PHF12: variants seen among roughly 807,000 people sequenced by gnomAD.
The protein encoded by PHF12 is PHD factor 1.
In PHF12, 6 loss-of-function variants were observed where a neutral mutation model predicts 99.8. The ratio of observed to expected loss-of-function variants is 0.06; its 90% confidence interval spans 0.03 to 0.12. PHF12 has a LOEUF of 0.12. Among genes scored for constraint, PHF12 ranks in the 10% least tolerant of loss-of-function variants. The probability of loss-of-function intolerance (pLI) is 1.00; values close to 1 mark genes in which losing one functional copy is unlikely to be tolerated. For missense variants in PHF12, 954 were observed against 1,300.1 expected, an observed-to-expected ratio of 0.73 and a Z score of 4.09; for synonymous variants, 480 against 514.9, an observed-to-expected ratio of 0.93 and a Z score of 0.92.
At chr17:28,907,900 A>C in intron 12 of PHF12, 2 of 421,210 alleles carry the variant, frequency 4.7e-6, no homozygotes, top group Non-Finnish European at 4.4e-6. Flanking sequence ...GCTTTAGAAC[A>C]TGTGGCTGCT....
At position 28,910,273 on chromosome 17, in the gene PHF12, C is replaced by T. The variant is rs758872812; in HGVS notation, c.2312G>A (p.Gly771Asp). 10 of 1,614,092 alleles carry T rather than the reference C, an allele frequency of 6.2e-6. No homozygotes were observed. The Admixed American group carries it at 8.3e-5, about 13-fold the overall frequency. ...LFPSRVQPSP[G>D]SVGTHQLASG... ...AGCCAGCTGATGTGTCCCGACACTGCCCGGTGAAGGTTGGACCCGGGAGGG... is the reference window on the plus strand; with the variant it reads ...AGCCAGCTGATGTGTCCCGACACTGTCCGGTGAAGGTTGGACCCGGGAGGG... The change falls in exon 11 of 15, where the codon GGC becomes GAC. Residue 771 changes from glycine to aspartate, a missense_variant. Coordinates refer to ENST00000332830, the MANE Select transcript of PHF12 (RefSeq NM_001033561.2).
chr17:28,913,319 G>C, intron 8 of PHF12, 42 bp from the exon 9 acceptor site: 1 of 1,561,114 alleles, frequency 6.4e-7, no homozygotes, highest in Non-Finnish European at 8.7e-7. Context: ...AAGCCTGAGA[G>C]GCGCCGGTCC....
chr17:28,948,833 T>C (rs1304408005), intron 2 of PHF12, among the ~76,000 whole-genome samples: 3 of 149,348 alleles, frequency 2.0e-5, no homozygotes, highest in Non-Finnish European at 3.0e-5. Flanking sequence ...CTCTCTCCAG[T>C]CTGGCTCCTC....
At chr17:28,918,300 T>C (rs950036957) in intron 6 of PHF12, among the ~76,000 whole-genome samples, 21 of 152,316 alleles carry the variant, frequency 1.4e-4, no homozygotes, top group African/African-American at 5.0e-4. Context: ...TCATTTTTTT[T>C]CTGGTTCATC....
intron 2 of PHF12, among the ~76,000 whole-genome samples, chr17:28,931,334 C>G (rs1283029925): frequency 6.6e-6 from 1 of 150,576 alleles, no homozygotes; most frequent in Non-Finnish European, 1.5e-5. Context: ...TGGCTCACTG[C>G]AACCTCTGCC....
rs747408885 is a variant in PHF12, at chr17:28,924,115, C to A, written c.509G>T (p.Ser170Ile). 6.2e-6 allele frequency: 10 copies of A among 1,614,092 alleles called. No homozygotes were observed. The highest frequency in any genetic ancestry group is 7.6e-6 in the Non-Finnish European group (9 of 1,180,044). ...AGAGGTGGGAGTCTCTGTGCTGGCG[C>A]TGGATGTGGGTGTGCCAGGCCTGCT... is the stretch of plus-strand genomic sequence containing the variant. ...RASRPGTPTSSASTETPTSEQ... is the reference protein window; with the variant it reads ...RASRPGTPTSIASTETPTSEQ... Residue 170 changes from serine (S) to isoleucine (I), a missense_variant, in exon 4 of 15, where the codon AGC becomes ATC. Ser to Ile is a moderately radical substitution (Grantham distance 142). Around this residue, in one of 8 missense-constraint regions of PHF12, gnomAD observed 109 missense variants for 145.4 expected, o/e 0.75. Transcript: ENST00000332830.
rs1010087021 is a variant in PHF12 at position 28,951,518 on chromosome 17, C to G, written c.-558G>C. ...CAGGCGCCCCGGGATCGGCGCTCGC[C>G]GCGCGCAACCGCAGTGACAGCCGGC... On this transcript the variant is annotated 5_prime_UTR_variant, in exon 1 of 15. Coordinates refer to ENST00000332830, the MANE Select transcript of PHF12 (RefSeq NM_001033561.2). The G allele has an allele frequency of 1.9e-5, 19 of 983,112 alleles. No individual in the cohort carries two copies. Among genetic ancestry groups the G allele is most frequent in the Non-Finnish European group, 2.3e-5 (19 of 829,354 alleles). The allele number at this position is 983,112 out of a possible 1,614,324, so 60.9% of individuals were successfully genotyped here.
In PHF12 at chr17:28,908,857, C is replaced by T. The variant is rs1360786458; in HGVS notation, c.2384G>A (p.Arg795Gln). The T allele has an allele frequency of 2.5e-6, 4 of 1,613,864 alleles. No homozygotes were observed. Among genetic ancestry groups the T allele is most frequent in the South Asian group, 1.1e-5 (1 of 91,044 alleles). ...CCCTAAGAGGGGGTAGAACACAGCT[C>T]GGGCCTGTACCTCCTTTCTTTGCAC... ...IEVQRKEVQA[R>Q]AVFYPLLGLG... Residue 795 changes from arginine (R) to glutamine (Q), a missense_variant, in exon 12 of 15, where the codon CGA (arginine) becomes CAA (glutamine). Physicochemically the swap from Arg to Gln is conservative, Grantham distance 43. Transcript: ENST00000332830.
At chr17:28,928,913 T>A (rs2040336453) in intron 2 of PHF12, among the ~76,000 whole-genome samples, 1 of 151,708 alleles carries the variant, frequency 6.6e-6, no homozygotes, top group Non-Finnish European at 1.5e-5. Context: ...CTGGCCAACA[T>A]GGTGAAACCC....
chr17:28,914,090 T>G, intron 7 of PHF12, 53 bp from the exon 8 acceptor site: 39 of 1,523,220 alleles, frequency 2.6e-5, no homozygotes, highest in Non-Finnish European at 3.3e-5. Context: ...CCAACATGTC[T>G]AGTTGATTCT....
rs774730652 is a variant in PHF12 at position 28,917,386 on chromosome 17, C to T, written c.1033G>A (p.Val345Ile). The change falls in exon 7 of 15, where the codon GTT becomes ATT. Residue 345 changes from valine to isoleucine, a missense_variant. Coordinates refer to ENST00000332830, the MANE Select transcript of PHF12 (RefSeq NM_001033561.2). ...CQVFDRFQDT[V>I]SQHVVKVDFL... is the part of the protein sequence containing the mutation. The stretch of plus-strand genomic sequence containing the variant: ...TCCACTTTGACGACATGCTGCGAAA[C>T]GGTGTCCTGGAAACGATCAAACACC... 27 of 1,613,958 alleles carry T rather than the reference C, an allele frequency of 1.7e-5. No homozygotes were observed. Among genetic ancestry groups the T allele is most frequent in the East Asian group, 1.3e-4 (6 of 44,892 alleles).
At position 28,951,407 on chromosome 17, in the gene PHF12, C is replaced by T. The variant is rs1258344828; in HGVS notation, c.-447G>A. 2 of 987,492 alleles carry T rather than the reference C, an allele frequency of 2.0e-6. No homozygotes were observed. Among genetic ancestry groups the T allele is most frequent in the African/African-American group, 3.5e-5 (2 of 57,290 alleles). The allele number at this position is 987,492 out of a possible 1,614,324, so 61.2% of individuals were successfully genotyped here. A position where few individuals can be genotyped will look rare whatever the true frequency, so the allele number is the denominator to read the frequency against. On this transcript the variant is annotated 5_prime_UTR_variant, in exon 1 of 15. Transcript: ENST00000332830. ...GGTGATGGGGGGTGGTCCCCGGGCT[C>T]CGCCTCTCGCCGCCGCCGCCGTCTG... is the stretch of plus-strand genomic sequence containing the variant.
intron 5 of PHF12, among the ~76,000 whole-genome samples, chr17:28,920,860 C>T (rs561969119): frequency 1.3e-5 from 2 of 151,802 alleles, no homozygotes; most frequent in Non-Finnish European, 2.9e-5. Context: ...CACACCGGGC[C>T]ATTGTTTTTA....
At chr17:28,934,640 T>A (rs550618073) in intron 2 of PHF12, among the ~76,000 whole-genome samples, 10 of 150,642 alleles carry the variant, frequency 6.6e-5, no homozygotes, top group Non-Finnish European at 1.2e-4. Context: ...AGATGGAGTC[T>A]TGCTCTGTTG....
At chr17:28,948,696 C>A (rs960914327) in intron 2 of PHF12, among the ~76,000 whole-genome samples, 1 of 152,144 alleles carries the variant, frequency 6.6e-6, no homozygotes, top group Non-Finnish European at 1.5e-5. Flanking sequence ...CTCCACAAAC[C>A]GAGAGATGGA....
chr17:28,908,822 C>A lies in PHF12; in HGVS notation c.2419G>T (p.Ala807Ser). The A allele has an allele frequency of 6.2e-6, 10 of 1,614,098 alleles. No individual in the cohort carries two copies. Among genetic ancestry groups the A allele is most frequent in the Non-Finnish European group, 8.5e-6 (10 of 1,180,012 alleles). ...AGGGTTCGATAGCACATGTTCACAGCTCCTCCCAACCCTAAGAGGGGGTAG... is the reference window on the plus strand; with the variant it reads ...AGGGTTCGATAGCACATGTTCACAGATCCTCCCAACCCTAAGAGGGGGTAG... ...VFYPLLGLGG[A>S]VNMCYRTLYI... is the part of the protein sequence containing the mutation. Residue 807 changes from alanine to serine, a missense_variant, in exon 12 of 15, where the codon GCT (alanine) becomes TCT (serine). Ala to Ser is a moderately conservative substitution (Grantham distance 99). Transcript: ENST00000332830.
At position 28,906,791 on chromosome 17, in the gene PHF12, A is replaced by G. The variant is rs2039878869; in HGVS notation, c.2680+65T>C. On this transcript the variant is annotated intron_variant, in intron 14 of 14. Transcript: ENST00000332830. This position sits in a 1 kb window ranked among gnomAD's most constrained non-coding sequence, Gnocchi z 4.2. ...GGAAGGCAAGAGACAGACCATGGGC[A>G]GCAAGTCAGAACCACCCTGACTGGG... The G allele has an allele frequency of 1.3e-6, 2 of 1,528,602 alleles. No homozygotes were observed. The highest frequency in any genetic ancestry group is 4.5e-5 in the East Asian group (2 of 44,116). The allele number at this position is 1,528,602 out of a possible 1,614,324, so 94.7% of individuals were successfully genotyped here.
intron 2 of PHF12, among the ~76,000 whole-genome samples, chr17:28,927,406 G>GTCCCACCGTTCCATCTTCCCA (rs1402785593): frequency 1.3e-5 from 2 of 152,100 alleles, no homozygotes; most frequent in African/African-American, 4.8e-5. Flanking sequence ...CTGTCACATG[G>GTCCCACCGTTCCATCTTCCCA]TCCCACCGTT....
chr17:28,939,127 T>C (rs1162240923), intron 2 of PHF12, among the ~76,000 whole-genome samples: 1 of 152,252 alleles, frequency 6.6e-6, no homozygotes, highest in Non-Finnish European at 1.5e-5. Context: ...AGATGCCTGA[T>C]ATCACAGAAT....
Sources: allele counts gnomAD v4.1 joint callset (sites outside exome capture counted in the v4.1 genomes callset), GRCh38; gene constraint gnomAD v4.1.1; regional missense constraint gnomAD v4.1.1; non-coding constraint Gnocchi (gnomAD v3.1); transcripts MANE v1.5; gene names NCBI Gene and HGNC (gene_info 2026-07-23, HGNC 2026-07-21).